The following DNAJC3 variants were observed in gnomAD, a reference collection of about 807,000 sequenced individuals.
DNAJC3 encodes dnaJ homolog subfamily C member 3.
In DNAJC3, 38 loss-of-function variants were observed where a neutral mutation model predicts 68.6. The observed-to-expected ratio is 0.55, with a 90% CI of 0.43 to 0.73. DNAJC3 has a LOEUF of 0.73. Among genes scored for constraint, DNAJC3 ranks in the 30% least tolerant of loss-of-function variants. The pLI is 0.00. For synonymous variants in DNAJC3, 203 were observed against 204.0 expected (o/e 1.00, Z 0.04); for missense variants, 526 against 591.9 (o/e 0.89, Z 1.16).
intron 4 of DNAJC3, among the ~76,000 whole-genome samples, chr13:95,731,076 G>A (rs1881693135): frequency 6.6e-6 from 1 of 151,776 alleles, no homozygotes; most frequent in Admixed American, 6.6e-5. Flanking sequence ...GTTGTAAATG[G>A]GATTGCCTTC....
chr13:95,683,665 G>A (rs559131472), intron 1 of DNAJC3, among the ~76,000 whole-genome samples: 13 of 151,926 alleles, frequency 8.6e-5, no homozygotes, highest in Non-Finnish European at 1.8e-4. Flanking sequence ...TGTGGCTCAC[G>A]CCTGTAATCC....
At chr13:95,730,619 G>T (rs1881680054) in intron 4 of DNAJC3, among the ~76,000 whole-genome samples, 1 of 152,116 alleles carries the variant, frequency 6.6e-6, no homozygotes, top group Non-Finnish European at 1.5e-5. Flanking sequence ...ATCAGTTGCT[G>T]TAAGTACATG....
At chr13:95,781,142 T>C (rs1247674277) in intron 9 of DNAJC3, among the ~76,000 whole-genome samples, 3 of 152,064 alleles carry the variant, frequency 2.0e-5, no homozygotes, top group Non-Finnish European at 4.4e-5. Context: ...TTAACTTTGG[T>C]CTGGGTGGGA....
intron 4 of DNAJC3, among the ~76,000 whole-genome samples, chr13:95,740,141 A>G (rs1882079868): frequency 6.6e-6 from 1 of 151,948 alleles, no homozygotes; most frequent in South Asian, 2.1e-4. Flanking sequence ...GGGGTCAGGG[A>G]CCCACTTGAG....
intron 9 of DNAJC3, among the ~76,000 whole-genome samples, chr13:95,779,313 A>T (rs1883378838): frequency 1.3e-5 from 2 of 151,606 alleles, no homozygotes; most frequent in Admixed American, 1.3e-4. Context: ...TTTAGTAGAG[A>T]CGGGGTTTCA....
At chr13:95,686,289 G>T (rs1880072627) in intron 1 of DNAJC3, among the ~76,000 whole-genome samples, 2 of 152,172 alleles carry the variant, frequency 1.3e-5, no homozygotes, top group South Asian at 4.1e-4. Context: ...GGGGTTCTTT[G>T]TTTTCTTCTT....
chr13:95,743,363 C>T (rs973961661), intron 4 of DNAJC3, among the ~76,000 whole-genome samples: 1 of 152,236 alleles, frequency 6.6e-6, no homozygotes, highest in Non-Finnish European at 1.5e-5. Flanking sequence ...TGACTGGTTA[C>T]AGCTAGGCCT....
intron 1 of DNAJC3, chr13:95,695,110 T>G (rs932261784): frequency 6.6e-6 from 1 of 152,188 alleles, no homozygotes; most frequent in South Asian, 2.1e-4. Flanking sequence ...ACTTTTCACC[T>G]TCCATTTTAT....
At chr13:95,757,535 C>CT in intron 4 of DNAJC3, 109 bp from the exon 5 acceptor site, 1 of 1,173,180 alleles carries the variant, frequency 8.5e-7, no homozygotes, top group Non-Finnish European at 1.1e-6. Flanking sequence ...TCTCTTTACC[C>CT]TTTTTACCCA....
At chr13:95,680,077 C>T (rs963853323) in intron 1 of DNAJC3, among the ~76,000 whole-genome samples, 5 of 152,082 alleles carry the variant, frequency 3.3e-5, no homozygotes, top group Admixed American at 6.5e-5. Flanking sequence ...TAGATGAGAT[C>T]GAATTTTTGG....
intron 2 of DNAJC3, among the ~76,000 whole-genome samples, chr13:95,714,409 T>A (rs901426538): frequency 7.5e-6 from 1 of 133,938 alleles, no homozygotes; most frequent in African/African-American, 3.5e-5. Flanking sequence ...TTGCTTTTTT[T>A]CTTAAAAAAA....
chr13:95,785,100 G>T (rs1883560197), intron 9 of DNAJC3, among the ~76,000 whole-genome samples: 1 of 152,204 alleles, frequency 6.6e-6, no homozygotes, highest in South Asian at 2.1e-4. Context: ...GAGTCATTCG[G>T]ATTGTGGACA....
chr13:95,792,853 C>T lies in DNAJC3; in HGVS notation c.*1823C>T, dbSNP rs1386030037. On this transcript the variant is annotated 3_prime_UTR_variant, in exon 12 of 12. Coordinates refer to ENST00000602402, the MANE Select transcript of DNAJC3 (RefSeq NM_006260.5). ...CTGGTTCCTTTTGTATATGATGTCA[C>T]TGTGACCTCTTTGAAATATAGTGAT... is the stretch of plus-strand genomic sequence containing the variant. 4 of 152,174 alleles carry T rather than the reference C, an allele frequency of 2.6e-5. No individual in the cohort carries two copies. Among genetic ancestry groups the T allele is most frequent in the African/African-American group, 7.2e-5 (3 of 41,448 alleles). The allele number at this position is 152,174 out of a possible 1,614,324, so 9.4% of individuals were successfully genotyped here.
intron 5 of DNAJC3, among the ~76,000 whole-genome samples, chr13:95,759,109 C>T (rs1481721335): frequency 6.6e-6 from 1 of 152,126 alleles, no homozygotes; most frequent in Non-Finnish European, 1.5e-5. Flanking sequence ...AAGATACTTC[C>T]ACCAGCCTTA....
rs569609632 is a variant in DNAJC3, at chr13:95,764,733, T to C, written c.1075+780T>C. 4.0e-3 allele frequency among the ~76,000 whole-genome samples: 555 copies of C among 139,260 alleles called. 4 individuals are homozygous for C. Among genetic ancestry groups the C allele is most frequent in the South Asian group, 0.025 (110 of 4,432 alleles). 91.4% of individuals were successfully genotyped at this position (139,260 alleles called of 152,430 possible). On this transcript the variant is annotated intron_variant, in intron 9 of 11. Transcript: ENST00000602402. ...ATATATATATACACATATATATATA[T>C]ACATATATAATACATGTATATATAT...
Position 95,791,239 on chromosome 13 carries a change from C to T in DNAJC3, c.*209C>T, listed in dbSNP as rs1883763931. 1.9e-5 allele frequency: 11 copies of T among 594,322 alleles called. No homozygotes were observed. In the South Asian group the frequency reaches 2.2e-4, roughly 12 times the overall value. The allele number at this position is 594,322 out of a possible 1,614,324, so 36.8% of individuals were successfully genotyped here. On this transcript the variant is annotated 3_prime_UTR_variant, in exon 12 of 12. Coordinates refer to ENST00000602402, the MANE Select transcript of DNAJC3 (RefSeq NM_006260.5). ...AAGGAGGCAAGGAATGGTTCTATTT[C>T]TGACAGAGCAGCCTGCATCTGCTTT...
intron 4 of DNAJC3, among the ~76,000 whole-genome samples, chr13:95,751,573 C>T (rs1882479596): frequency 6.6e-6 from 1 of 152,042 alleles, no homozygotes; most frequent in Admixed American, 6.5e-5. Flanking sequence ...AGAGGAAAGG[C>T]GATTACTCCA....
intron 9 of DNAJC3, among the ~76,000 whole-genome samples, chr13:95,780,027 A>T (rs180963861): frequency 6.6e-6 from 1 of 152,094 alleles, no homozygotes; most frequent in Non-Finnish European, 1.5e-5. Context: ...TGTTTTCTGC[A>T]TGTAAGGCGT....
chr13:95,694,303 A>G (rs1880367005), intron 1 of DNAJC3: 2 of 152,554 alleles, frequency 1.3e-5, no homozygotes, highest in African/African-American at 4.8e-5. Context: ...ATAACCAAAA[A>G]CAACCATCAT....
Sources: gnomAD v4.1 joint callset for allele counts (sites outside exome capture counted in the v4.1 genomes callset) on GRCh38, gnomAD v4.1.1 for gene constraint, MANE v1.5 for transcripts, NCBI Gene and HGNC (gene_info 2026-07-23, HGNC 2026-07-21) for gene names.